ADAMTSL3: variants seen among roughly 807,000 people sequenced by gnomAD.
ADAMTSL3 encodes the protein ADAMTS like 3.
A neutral mutation model predicts 201.7 loss-of-function variants in ADAMTSL3; 128 were observed. That is an observed-to-expected ratio of 0.63 (90% CI 0.55 to 0.73). The LOEUF is 0.73. Ranked by LOEUF, ADAMTSL3 falls within the 30% of genes least tolerant of loss-of-function variation. The pLI is 0.00. For missense variants in ADAMTSL3, 1,990 were observed against 2,119.6 expected, an observed-to-expected ratio of 0.94 and a Z score of 1.20; for synonymous variants, 738 against 748.4, an observed-to-expected ratio of 0.99 and a Z score of 0.23.
intron 3 of ADAMTSL3, 151 bp downstream of exon 3, chr15:83,704,659 G>A: frequency 1.9e-6 from 2 of 1,042,816 alleles, no homozygotes; most frequent in Admixed American, 2.8e-5. Context: ...CCCAGAATAT[G>A]TGGATTGCCC....
chr15:83,902,725 G>A (rs2065750808), intron 15 of ADAMTSL3, among the ~76,000 whole-genome samples: 1 of 151,902 alleles, frequency 6.6e-6, no homozygotes, highest in East Asian at 1.9e-4. Context: ...TTTGCCTTGA[G>A]TGGGATGCTC....
At chr15:83,837,026 T>C (rs907849669) in intron 6 of ADAMTSL3, among the ~76,000 whole-genome samples, 3 of 152,132 alleles carry the variant, frequency 2.0e-5, no homozygotes, top group Non-Finnish European at 4.4e-5. Flanking sequence ...ATATAAGACA[T>C]GACCTTTTTT....
At chr15:83,762,422 T>G (rs1157978704) in intron 3 of ADAMTSL3, among the ~76,000 whole-genome samples, 1 of 152,194 alleles carries the variant, frequency 6.6e-6, no homozygotes, top group African/African-American at 2.4e-5. Context: ...CTGGGTAATT[T>G]GTAAAGAACA....
intron 7 of ADAMTSL3, among the ~76,000 whole-genome samples, chr15:83,841,659 A>AG (rs112661021): frequency 6.7e-5 from 10 of 148,816 alleles, no homozygotes; most frequent in African/African-American, 1.5e-4. Context: ...CTGATACGGG[A>AG]GGGGGGGCAG....
intron 9 of ADAMTSL3, among the ~76,000 whole-genome samples, chr15:83,879,325 C>G (rs1332117333): frequency 6.6e-6 from 1 of 152,012 alleles, no homozygotes; most frequent in Non-Finnish European, 1.5e-5. Context: ...TCCTAAACTT[C>G]TTGAGATGGA....
At chr15:83,794,599 A>G (rs549625502) in intron 4 of ADAMTSL3, among the ~76,000 whole-genome samples, 1 of 152,334 alleles carries the variant, frequency 6.6e-6, no homozygotes, top group South Asian at 2.1e-4. Flanking sequence ...AATATTCTTG[A>G]AATGACAGAA....
intron 19 of ADAMTSL3, among the ~76,000 whole-genome samples, chr15:83,958,978 A>G (rs1379768156): frequency 6.6e-6 from 1 of 152,188 alleles, no homozygotes; most frequent in Non-Finnish European, 1.5e-5. Flanking sequence ...CAGATAATAT[A>G]TATAAAAGAC....
Position 83,757,084 on chromosome 15 carries a change from G to A in ADAMTSL3, c.190-16439G>A, listed in dbSNP as rs186078763. On this transcript the variant is annotated intron_variant, in intron 3 of 29. Coordinates refer to ENST00000286744, the MANE Select transcript of ADAMTSL3 (RefSeq NM_207517.3). ...GCTTTTCCAGGCACACGGTGCAGGC[G>A]GTCAGTGGATCTACCATTCTGGGGT... is the stretch of plus-strand genomic sequence containing the variant. 9.2e-5 allele frequency among the ~76,000 whole-genome samples: 14 copies of A among 152,244 alleles called. No individual in the cohort carries two copies. In the East Asian group the frequency reaches 1.5e-3, roughly 17 times the overall value.
At chr15:83,781,988 A>C (rs1302260693) in intron 4 of ADAMTSL3, among the ~76,000 whole-genome samples, 1 of 152,222 alleles carries the variant, frequency 6.6e-6, no homozygotes, top group Non-Finnish European at 1.5e-5. Context: ...AAATTAGTTC[A>C]ACCTTTGTGG....
intron 4 of ADAMTSL3, among the ~76,000 whole-genome samples, chr15:83,795,263 G>GCAACAACAACAA (rs58698546): frequency 6.6e-6 from 1 of 150,894 alleles, no homozygotes; most frequent in East Asian, 1.9e-4. Flanking sequence ...AACAGCAGCA[G>GCAACAACAACAA]CAACAACAAC....
At chr15:83,798,235 A>G (rs2063459320) in intron 4 of ADAMTSL3, among the ~76,000 whole-genome samples, 1 of 152,144 alleles carries the variant, frequency 6.6e-6, no homozygotes, top group Non-Finnish European at 1.5e-5. Context: ...TTTCTACACA[A>G]ACCTTAGCCT....
intron 9 of ADAMTSL3, among the ~76,000 whole-genome samples, chr15:83,882,360 A>G (rs545413673): frequency 6.6e-6 from 1 of 152,244 alleles, no homozygotes; most frequent in South Asian, 2.1e-4. Context: ...CTCCTCCCCT[A>G]CACACACATC....
intron 2 of ADAMTSL3, among the ~76,000 whole-genome samples, chr15:83,667,765 A>T (rs2061269119): frequency 6.6e-6 from 1 of 151,906 alleles, no homozygotes; most frequent in Non-Finnish European, 1.5e-5. Context: ...TTGAAAGGGA[A>T]CCCTTATTGA....
chr15:83,748,103 A>G (rs1447168239), intron 3 of ADAMTSL3, among the ~76,000 whole-genome samples: 1 of 152,154 alleles, frequency 6.6e-6, no homozygotes, highest in Non-Finnish European at 1.5e-5. Context: ...AATCAAACTT[A>G]TTCTCGTTCA....
At chr15:83,886,466 G>A (rs1271729113) in intron 10 of ADAMTSL3, among the ~76,000 whole-genome samples, 1 of 152,198 alleles carries the variant, frequency 6.6e-6, no homozygotes, top group East Asian at 1.9e-4. Context: ...AGAGCATACA[G>A]TAGTATCTTG....
chr15:84,015,106 CAG>C, intron 24 of ADAMTSL3, among the ~76,000 whole-genome samples: 1 of 152,066 alleles, frequency 6.6e-6, no homozygotes, highest in South Asian at 2.1e-4. Context: ...CCACCATGCC[CAG>C]CTAATTTTTG....
At chr15:83,754,682 G>T (rs1365199) in intron 3 of ADAMTSL3, among the ~76,000 whole-genome samples, 79,819 of 151,832 alleles carry the variant, frequency 0.53, 23,367 homozygotes, top group African/African-American at 0.78. Flanking sequence ...ATAGACATAG[G>T]GCTATAGAAA....
intron 12 of ADAMTSL3, among the ~76,000 whole-genome samples, chr15:83,892,409 A>G (rs1457145830): frequency 6.6e-6 from 1 of 151,202 alleles, no homozygotes; most frequent in African/African-American, 2.4e-5. Context: ...GCATGCCTGT[A>G]ATCCCAGCTA....
chr15:83,791,396 G>A (rs904626709), intron 4 of ADAMTSL3, among the ~76,000 whole-genome samples: 6 of 152,280 alleles, frequency 3.9e-5, no homozygotes, highest in African/African-American at 7.2e-5. Context: ...CAGGTTGTCC[G>A]ATGGAACAGT....
Sources: allele counts gnomAD v4.1 joint callset (sites outside exome capture counted in the v4.1 genomes callset), GRCh38; gene constraint gnomAD v4.1.1; transcripts MANE v1.5; gene names NCBI Gene and HGNC (gene_info 2026-07-23, HGNC 2026-07-21).